The following ZNF654 variants were observed in gnomAD, a reference collection of about 807,000 sequenced individuals.
ZNF654 encodes zinc finger protein 654.
Under a neutral mutation model 95.3 loss-of-function variants are expected in ZNF654, and 19 were observed. The ratio of observed to expected loss-of-function variants is 0.20; its 90% confidence interval spans 0.14 to 0.29. The LOEUF (loss-of-function observed/expected upper bound fraction) is 0.29, where lower values mean the gene tolerates loss of function less well. ZNF654 is among the 10% of genes least tolerant of loss of function. The probability of loss-of-function intolerance (pLI) is 1.00; values close to 1 mark genes in which losing one functional copy is unlikely to be tolerated. For missense variants in ZNF654, 1,046 were observed against 1,341.0 expected, an observed-to-expected ratio of 0.78 and a Z score of 3.44; for synonymous variants, 413 against 457.9, an observed-to-expected ratio of 0.90 and a Z score of 1.25.
intron 1 of ZNF654, among the ~76,000 whole-genome samples, chr3:88,081,560 G>T (rs1254340797): frequency 1.3e-5 from 2 of 152,134 alleles, no homozygotes. Context: ...ATTTGTATCA[G>T]TATGGACTTA....
intron 2 of ZNF654, chr3:88,095,393 A>G: frequency 3.0e-6 from 1 of 328,546 alleles, no homozygotes; most frequent in Non-Finnish European, 5.8e-6. Flanking sequence ...GAGAAGTGAC[A>G]GGGATCACCC....
chr3:88,063,534 A>G (rs1378956757), intron 1 of ZNF654, among the ~76,000 whole-genome samples: 1 of 152,198 alleles, frequency 6.6e-6, no homozygotes, highest in East Asian at 1.9e-4. Flanking sequence ...TAGGATTTAC[A>G]TAATACTTAT....
At position 88,142,149 on chromosome 3, in the gene ZNF654, G is replaced by T. The variant is rs1280682511; in HGVS notation, c.*497G>T. The T allele has an allele frequency of 2.0e-5, 3 of 152,404 alleles. No homozygotes were observed. The highest frequency in any genetic ancestry group is 7.2e-5 in the African/African-American group (3 of 41,410). 9.4% of individuals were successfully genotyped at this position (152,404 alleles called of 1,614,324 possible). Reference sequence around the variant, plus strand: ...CTGGTTAAACATGGTTTAAGGAACCGCTGCTGTTTGGTTTGTGATTGATTT... The same window carrying T: ...CTGGTTAAACATGGTTTAAGGAACCTCTGCTGTTTGGTTTGTGATTGATTT... On this transcript the variant is annotated 3_prime_UTR_variant, in exon 9 of 9. Transcript: ENST00000636215.
At chr3:88,072,477 C>T (rs1326399215) in intron 1 of ZNF654, among the ~76,000 whole-genome samples, 1 of 152,164 alleles carries the variant, frequency 6.6e-6, no homozygotes, top group Non-Finnish European at 1.5e-5. Context: ...ATACACTCAC[C>T]AACACTAGTG....
chr3:88,113,067 G>C (rs1262474325), intron 2 of ZNF654, 48 bp from the exon 3 acceptor site: 2 of 1,274,722 alleles, frequency 1.6e-6, no homozygotes, highest in Non-Finnish European at 2.2e-6. Context: ...CTTTTAATTG[G>C]AGCAAAACTC....
chr3:88,113,916 T>G (rs12493327), intron 3 of ZNF654, among the ~76,000 whole-genome samples: 22,632 of 152,156 alleles, frequency 0.15, 1,763 homozygotes, highest in African/African-American at 0.18. Flanking sequence ...TTAACCATTC[T>G]TACCTTCAGC....
rs1706958067 is a variant in ZNF654 at position 88,138,826 on chromosome 3, A to G, written c.1157A>G (p.Asn386Ser). 1 of 1,231,920 alleles carries G rather than the reference A, an allele frequency of 8.1e-7. No homozygotes were observed. The highest frequency in any genetic ancestry group is 1.6e-5 in the African/African-American group (1 of 64,408). 76.3% of individuals were successfully genotyped at this position (1,231,920 alleles called of 1,614,324 possible). A position where few individuals can be genotyped will look rare whatever the true frequency, so the allele number is the denominator to read the frequency against. Residue 386 changes from asparagine (N) to serine (S), a missense_variant, in exon 8 of 9, where the codon AAT becomes AGT. Coordinates refer to ENST00000636215, the MANE Select transcript of ZNF654 (RefSeq NM_001350134.2). ...AAAACAATTGCACATTTTTTGCCAAATGATTTGGAGATCCTCAGGATTTGT... is the reference window on the plus strand; with the variant it reads ...AAAACAATTGCACATTTTTTGCCAAGTGATTTGGAGATCCTCAGGATTTGT... ...IYKTIAHFLP[N>S]DLEILRICAL... is the part of the protein sequence containing the mutation.
At chr3:88,070,896 T>A (rs1217177624) in intron 1 of ZNF654, among the ~76,000 whole-genome samples, 1 of 152,190 alleles carries the variant, frequency 6.6e-6, no homozygotes, top group Non-Finnish European at 1.5e-5. Context: ...TGGTTATCTG[T>A]GGGCAGTGCA....
intron 2 of ZNF654, among the ~76,000 whole-genome samples, chr3:88,101,452 T>C (rs1253217661): frequency 6.6e-6 from 1 of 152,204 alleles, no homozygotes; most frequent in Non-Finnish European, 1.5e-5. Context: ...TCATGTAAAA[T>C]ATTCTTTTAA....
At chr3:88,079,760 A>G (rs1176391275) in intron 1 of ZNF654, among the ~76,000 whole-genome samples, 1 of 152,082 alleles carries the variant, frequency 6.6e-6, no homozygotes, top group African/African-American at 2.4e-5. Context: ...ATTCTGTCTT[A>G]TTACATTTAC....
intron 3 of ZNF654, among the ~76,000 whole-genome samples, chr3:88,123,163 C>G (rs1705883389): frequency 6.6e-6 from 1 of 152,044 alleles, no homozygotes; most frequent in African/African-American, 2.4e-5. Context: ...AGCCACTATT[C>G]TATTTAAGGA....
rs1707192989 is a variant in ZNF654, at chr3:88,142,751, G to T, written c.*1099G>T. ...TTTTAATTCATTAGTGATGACTCTG[G>T]TCTGAACAGTAATTTTTATATGTAA... On this transcript the variant is annotated 3_prime_UTR_variant, in exon 9 of 9. Coordinates refer to ENST00000636215, the MANE Select transcript of ZNF654 (RefSeq NM_001350134.2). 1 of 152,048 alleles carries T rather than the reference G, an allele frequency of 6.6e-6. No individual in the cohort carries two copies. Among genetic ancestry groups the T allele is most frequent in the Non-Finnish European group, 1.5e-5 (1 of 67,760 alleles). The allele number at this position is 152,048 out of a possible 1,614,324, so 9.4% of individuals were successfully genotyped here.
At position 88,086,265 on chromosome 3, in the gene ZNF654, A is replaced by C; in HGVS notation, c.195A>C (p.Glu65Asp). 2 of 1,533,478 alleles carry C rather than the reference A, an allele frequency of 1.3e-6. No homozygotes were observed. Among genetic ancestry groups the C allele is most frequent in the East Asian group, 2.4e-5 (1 of 40,898 alleles). The allele number at this position is 1,533,478 out of a possible 1,614,324, so 95.0% of individuals were successfully genotyped here. Residue 65 changes from glutamate to aspartate, a missense_variant, in exon 2 of 9, where the codon GAA (glutamate) becomes GAC (aspartate). By Grantham distance (45) the Glu-to-Asp change is conservative (BLOSUM62 2). This residue lies in a region of ZNF654 where 91 missense variants were observed against 190.5 expected (regional missense o/e 0.48). Transcript: ENST00000636215. ...GATTGCTTCTCTGTCAGGTGGTTGA[A>C]GATTATGCTGGAAGATGGCAGGTCC... ...DYCRRFCQVV[E>D]DYAGRWQVPL...
chr3:88,140,350 C>T lies in ZNF654; in HGVS notation c.2681C>T (p.Pro894Leu). The change falls in exon 8 of 9, where the codon CCT becomes CTT. Residue 894 changes from proline to leucine, a missense_variant. Pro to Leu is a moderately conservative substitution (Grantham distance 98). Coordinates refer to ENST00000636215, the MANE Select transcript of ZNF654 (RefSeq NM_001350134.2). ...ILWDVQTDSN[P>L]NQEKDSSSNE... The stretch of plus-strand genomic sequence containing the variant: ...TGGGATGTTCAGACAGACTCAAATC[C>T]TAATCAGGAAAAAGACTCATCTAGT... 2 of 1,613,344 alleles carry T rather than the reference C, an allele frequency of 1.2e-6. No individual in the cohort carries two copies. The highest frequency in any genetic ancestry group is 1.7e-6 in the Non-Finnish European group (2 of 1,179,588).
intron 1 of ZNF654, among the ~76,000 whole-genome samples, chr3:88,060,725 G>T (rs1006599617): frequency 1.3e-5 from 2 of 152,140 alleles, no homozygotes; most frequent in African/African-American, 4.8e-5. Context: ...AAGTTAATGA[G>T]AAATGGACAT....
In ZNF654 at chr3:88,139,601, T is replaced by A. The variant is rs1297951848; in HGVS notation, c.1932T>A (p.Thr644=). Residue 644 remains threonine (T), a synonymous_variant, in exon 8 of 9, where the codon ACT becomes ACA. Transcript: ENST00000636215. ...DSKDLEVETL[T]ASSEGNKEVI... ...AGGATTTGGAAGTGGAGACACTTAC[T>A]GCTTCTAGTGAAGGAAACAAAGAAG... 2 of 1,613,674 alleles carry A rather than the reference T, an allele frequency of 1.2e-6. No individual in the cohort carries two copies. Among genetic ancestry groups the A allele is most frequent in the Admixed American group, 3.3e-5 (2 of 59,956 alleles).
Position 88,142,627 on chromosome 3 carries a change from T to A in ZNF654, c.*975T>A, listed in dbSNP as rs1402577549. The A allele has an allele frequency of 6.6e-6, 1 of 152,408 alleles. No individual in the cohort carries two copies. The highest frequency in any genetic ancestry group is 2.4e-5 in the African/African-American group (1 of 41,438). The allele number at this position is 152,408 out of a possible 1,614,324, so 9.4% of individuals were successfully genotyped here. A position where few individuals can be genotyped will look rare whatever the true frequency, so the allele number is the denominator to read the frequency against. Reference sequence around the variant, plus strand: ...TTATCTAAGTACAGTCCTATTAAAATAACTGGCTCAAAAAATCAGCTAAGA... The same window carrying A: ...TTATCTAAGTACAGTCCTATTAAAAAAACTGGCTCAAAAAATCAGCTAAGA... On this transcript the variant is annotated 3_prime_UTR_variant, in exon 9 of 9. Transcript: ENST00000636215.
intron 1 of ZNF654, among the ~76,000 whole-genome samples, chr3:88,065,982 C>T (rs1339556899): frequency 6.6e-6 from 1 of 152,206 alleles, no homozygotes; most frequent in African/African-American, 2.4e-5. Context: ...GAGTCACCCA[C>T]TGTGGCCTCC....
At chr3:88,063,343 C>A (rs920506053) in intron 1 of ZNF654, among the ~76,000 whole-genome samples, 28 of 152,110 alleles carry the variant, frequency 1.8e-4, no homozygotes, top group African/African-American at 6.5e-4. Context: ...TTTTAATGAT[C>A]CTCAAATAGT....
Sources: allele counts gnomAD v4.1 joint callset (sites outside exome capture counted in the v4.1 genomes callset), GRCh38; gene constraint gnomAD v4.1.1; regional missense constraint gnomAD v4.1.1; transcripts MANE v1.5; gene names NCBI Gene and HGNC (gene_info 2026-07-23, HGNC 2026-07-21).